Variants in VWA8 observed in about 807,000 individuals in gnomAD.
VWA8 encodes the protein von Willebrand factor A domain-containing protein 8.
In VWA8, 221 loss-of-function variants were observed where a neutral mutation model predicts 241.5. That is an observed-to-expected ratio of 0.91 (90% CI 0.82 to 1.02). The LOEUF (loss-of-function observed/expected upper bound fraction) is 1.02, where lower values mean the gene tolerates loss of function less well. Ranked by LOEUF, VWA8 falls within the 50% of genes least tolerant of loss-of-function variation. VWA8 has a pLI of 0.00. For missense variants in VWA8, 2,322 were observed against 2,328.7 expected (o/e 1.00, Z 0.06); for synonymous variants, 852 against 827.1 (o/e 1.03, Z -0.52).
At chr13:41,603,878 G>T (rs1208089263) in intron 40 of VWA8, among the ~76,000 whole-genome samples, 1 of 152,128 alleles carries the variant, frequency 6.6e-6, no homozygotes, top group African/African-American at 2.4e-5. Flanking sequence ...CATTCTCCAT[G>T]AAGCCTTTCC....
chr13:41,699,489 T>C (rs1210202454), intron 28 of VWA8, among the ~76,000 whole-genome samples: 1 of 152,196 alleles, frequency 6.6e-6, no homozygotes, highest in Non-Finnish European at 1.5e-5. Flanking sequence ...TTGAAAAAAT[T>C]GGTTATCTAT....
At chr13:41,790,004 C>T (rs1869382973) in intron 17 of VWA8, among the ~76,000 whole-genome samples, 1 of 152,002 alleles carries the variant, frequency 6.6e-6, no homozygotes, top group Non-Finnish European at 1.5e-5. Flanking sequence ...ATTTATTAAC[C>T]ATTTCAAATG....
At chr13:41,805,482 A>G (rs1870145240) in intron 17 of VWA8, among the ~76,000 whole-genome samples, 1 of 152,192 alleles carries the variant, frequency 6.6e-6, no homozygotes, top group African/African-American at 2.4e-5. Context: ...GGAGACTTCA[A>G]CATTGGACAG....
At chr13:41,882,418 C>T (rs1874276639) in intron 9 of VWA8, among the ~76,000 whole-genome samples, 1 of 152,190 alleles carries the variant, frequency 6.6e-6, no homozygotes, top group Non-Finnish European at 1.5e-5. Context: ...CAGGCAGAGG[C>T]TGCAATCTCG....
intron 21 of VWA8, among the ~76,000 whole-genome samples, chr13:41,742,085 T>C (rs566078038): frequency 6.6e-6 from 1 of 152,330 alleles, no homozygotes; most frequent in Non-Finnish European, 1.5e-5. Context: ...TATAGTCACA[T>C]GGAAGGATGT....
Position 41,960,996 on chromosome 13 carries a change from A to T in VWA8, c.20T>A (p.Leu7His). The T allele has an allele frequency of 7.2e-7, 1 of 1,389,370 alleles. No homozygotes were observed. Among genetic ancestry groups the T allele is most frequent in the Non-Finnish European group, 9.3e-7 (1 of 1,080,686 alleles). 86.1% of individuals were successfully genotyped at this position (1,389,370 alleles called of 1,614,324 possible). The change falls in exon 1 of 45, where the codon CTC (leucine) becomes CAC (histidine). Residue 7 changes from leucine to histidine, a missense_variant. By Grantham distance (99) the Leu-to-His change is moderately conservative. Transcript: ENST00000379310. MQSRLL[L>H]LGAPGGHGGP... is the part of the protein sequence containing the mutation. ...GCCGTGGCCTCCGGGTGCCCCGAGG[A>T]GTAGAAGCCGGGATTGCATGGCGCC...
intron 12 of VWA8, among the ~76,000 whole-genome samples, chr13:41,843,548 T>C (rs895715953): frequency 3.9e-5 from 6 of 152,050 alleles, no homozygotes; most frequent in African/African-American, 1.4e-4. Context: ...AAGGATCAAC[T>C]AACCCAAAAT....
intron 21 of VWA8, among the ~76,000 whole-genome samples, chr13:41,750,054 T>C (rs2137891242): frequency 6.6e-6 from 1 of 152,108 alleles, no homozygotes; most frequent in South Asian, 2.1e-4. Flanking sequence ...TATAAGGCCA[T>C]GGTTGCCATA....
At position 41,643,734 on chromosome 13, in the gene VWA8, CACACAATGCTCACATCACCA is replaced by C. The variant is rs2044812151; in HGVS notation, c.4611+27192_4611+27211del. Among the ~76,000 whole-genome samples, 5 of 152,242 alleles carry C rather than the reference CACACAATGCTCACATCACCA, an allele frequency of 3.3e-5. No homozygotes were observed. The South Asian group carries it at 1.0e-3, about 32-fold the overall frequency. On this transcript the variant is annotated intron_variant, in intron 37 of 44. Coordinates refer to ENST00000379310, the MANE Select transcript of VWA8 (RefSeq NM_015058.2). ...AGGCAGTGTGAGTGGAGCTGAAAGT[CACACAATGCTCACATCACCA>C]ACACCAGGCTCTAAAGAAGGTAGCC...
intron 44 of VWA8, among the ~76,000 whole-genome samples, chr13:41,569,948 G>GAT (rs1469358548): frequency 1.3e-5 from 2 of 152,006 alleles, no homozygotes; most frequent in African/African-American, 4.8e-5. Flanking sequence ...AATAAGAAGG[G>GAT]ATACATGTGA....
At chr13:41,676,532 G>C (rs2045061363) in intron 35 of VWA8, among the ~76,000 whole-genome samples, 1 of 152,196 alleles carries the variant, frequency 6.6e-6, no homozygotes, top group Admixed American at 6.5e-5. Flanking sequence ...CTCATGTGAT[G>C]TCATTAGTGT....
intron 42 of VWA8, among the ~76,000 whole-genome samples, chr13:41,586,530 G>C (rs532820626): frequency 2.0e-5 from 3 of 151,352 alleles, no homozygotes; most frequent in Admixed American, 1.3e-4. Context: ...TCCTCACGTA[G>C]AGCTTCACAC....
intron 17 of VWA8, among the ~76,000 whole-genome samples, chr13:41,807,351 T>C (rs1870260149): frequency 6.6e-6 from 1 of 152,004 alleles, no homozygotes; most frequent in Non-Finnish European, 1.5e-5. Context: ...AGGCCACTAT[T>C]ACCCTGATAC....
At position 41,932,330 on chromosome 13, in the gene VWA8, A is replaced by C. The variant is rs192981012; in HGVS notation, c.241+17606T>G. On this transcript the variant is annotated intron_variant, in intron 2 of 44. Transcript: ENST00000379310. ...TGAATTTACAGTTAATAACCTCCCG[A>C]AAAGAAAACCCTGGGCCAAGATGGC... Among the ~76,000 whole-genome samples the C allele has an allele frequency of 1.7e-3, 257 of 152,222 alleles. 2 individuals carry two copies. The highest frequency in any genetic ancestry group is 5.7e-3 in the African/African-American group (236 of 41,584).
At chr13:41,949,031 TAAAAAAAAAAAAA>T (rs35506856) in intron 2 of VWA8, among the ~76,000 whole-genome samples, 2 of 63,404 alleles carry the variant, frequency 3.2e-5, no homozygotes, top group Non-Finnish European at 5.7e-5. Context: ...TCTACCATCA[TAAAAAAAAAAAAA>T]AAAAAAAAAA....
chr13:41,796,203 G>A (rs556759613), intron 17 of VWA8, among the ~76,000 whole-genome samples: 91 of 152,058 alleles, frequency 6.0e-4, no homozygotes, highest in African/African-American at 2.0e-3. Context: ...TAGGTGTCTA[G>A]GTTATACTAG....
intron 29 of VWA8, 33 bp from the exon 30 acceptor site, chr13:41,693,005 A>AT (rs781767917): frequency 5.9e-6 from 8 of 1,345,068 alleles, no homozygotes; most frequent in Middle Eastern, 1.9e-4. Flanking sequence ...AAAGCTCAAG[A>AT]TTTGTTCTTT....
At chr13:41,653,712 C>T (rs1257991258) in intron 37 of VWA8, among the ~76,000 whole-genome samples, 2 of 152,110 alleles carry the variant, frequency 1.3e-5, no homozygotes, top group African/African-American at 4.8e-5. Flanking sequence ...CAAAAACAGA[C>T]ACATAGACCA....
At chr13:41,834,889 T>C (rs1871646656) in intron 12 of VWA8, among the ~76,000 whole-genome samples, 1 of 152,214 alleles carries the variant, frequency 6.6e-6, no homozygotes. Context: ...CACCGTGGAA[T>C]ACTATGCAGC....
Sources: gnomAD v4.1 joint callset for allele counts (sites outside exome capture counted in the v4.1 genomes callset) on GRCh38, gnomAD v4.1.1 for gene constraint, MANE v1.5 for transcripts, NCBI Gene and HGNC (gene_info 2026-07-23, HGNC 2026-07-21) for gene names.